Variants in LONP2 observed in about 807,000 individuals in gnomAD.
The protein encoded by LONP2 is lon protease homolog 2, peroxisomal.
In LONP2, 60 loss-of-function variants were observed where a neutral mutation model predicts 85.6. That is an observed-to-expected ratio of 0.70 (90% confidence interval 0.57 to 0.87). The LOEUF is 0.87. LONP2 is among the 40% of genes least tolerant of loss of function. The pLI is 0.00. For missense variants in LONP2, 860 were observed against 1,063.5 expected, an observed-to-expected ratio of 0.81 and a Z score of 2.66; for synonymous variants, 395 against 389.7, an observed-to-expected ratio of 1.01 and a Z score of -0.16.
intron 11 of LONP2, among the ~76,000 whole-genome samples, chr16:48,308,367 C>T (rs8053521): frequency 0.017 from 2,574 of 152,206 alleles, 59 homozygotes; most frequent in African/African-American, 0.057. Context: ...TGGCTCACAC[C>T]TGTAATCTCA....
chr16:48,281,742 T>C (rs762505902), intron 8 of LONP2, among the ~76,000 whole-genome samples: 2 of 152,190 alleles, frequency 1.3e-5, no homozygotes, highest in Non-Finnish European at 2.9e-5. Context: ...GTCACTAGTC[T>C]AGATATAGTA....
chr16:48,323,062 G>T (rs1973299626), intron 11 of LONP2, among the ~76,000 whole-genome samples: 2 of 152,214 alleles, frequency 1.3e-5, no homozygotes, highest in South Asian at 4.1e-4. Flanking sequence ...TTCTAAATTG[G>T]ATTCTGGGAA....
intron 11 of LONP2, among the ~76,000 whole-genome samples, chr16:48,329,619 C>G (rs1292707911): frequency 6.6e-6 from 1 of 152,108 alleles, no homozygotes; most frequent in African/African-American, 2.4e-5. Flanking sequence ...GGGTTCTGAA[C>G]CATCCTGCAT....
intron 12 of LONP2, chr16:48,345,753 A>G (rs1406533882): frequency 1.3e-5 from 2 of 152,208 alleles, no homozygotes; most frequent in Non-Finnish European, 2.9e-5. Context: ...ACTACTGAAA[A>G]TAAGTGCTCG....
intron 11 of LONP2, among the ~76,000 whole-genome samples, chr16:48,323,148 T>A (rs1014143710): frequency 1.3e-5 from 2 of 152,242 alleles, no homozygotes; most frequent in Non-Finnish European, 2.9e-5. Context: ...TAATTGCTAA[T>A]TTTTAACCTC....
rs1256163421 is a variant in LONP2, at chr16:48,354,585, G to A, written c.*2783G>A. On this transcript the variant is annotated 3_prime_UTR_variant, in exon 15 of 15. Coordinates refer to ENST00000285737, the MANE Select transcript of LONP2 (RefSeq NM_031490.5). Reference sequence around the variant, plus strand: ...AGCTCCAAATTCCACCCTCACCCCAGACCCTGGTAACCACTATTTCACTTT... The same window carrying A: ...AGCTCCAAATTCCACCCTCACCCCAAACCCTGGTAACCACTATTTCACTTT... 1 of 152,250 alleles carries A rather than the reference G, an allele frequency of 6.6e-6. No individual in the cohort carries two copies. Among genetic ancestry groups the A allele is most frequent in the Non-Finnish European group, 1.5e-5 (1 of 68,180 alleles). 9.4% of individuals were successfully genotyped at this position (152,250 alleles called of 1,614,324 possible). A position where few individuals can be genotyped will look rare whatever the true frequency, so the allele number is the denominator to read the frequency against.
At chr16:48,345,408 A>G (rs745722578) in intron 12 of LONP2, 1 of 152,258 alleles carries the variant, frequency 6.6e-6, no homozygotes, top group Non-Finnish European at 1.5e-5. Context: ...CCTAGAAAGG[A>G]GCCTGAATGA....
At chr16:48,330,595 T>G (rs997467803) in intron 11 of LONP2, among the ~76,000 whole-genome samples, 4 of 152,170 alleles carry the variant, frequency 2.6e-5, no homozygotes, top group East Asian at 1.9e-4. Context: ...TTGTTGGTTG[T>G]TTGTTTTATA....
chr16:48,299,637 C>T (rs952704711), intron 9 of LONP2, 25 bp from the exon 10 acceptor site: 3 of 1,584,116 alleles, frequency 1.9e-6, no homozygotes, highest in African/African-American at 2.8e-5. Flanking sequence ...TAAATAATTA[C>T]AAAACAAGAT....
chr16:48,345,763 G>A (rs965731211), intron 12 of LONP2: 11 of 152,218 alleles, frequency 7.2e-5, no homozygotes, highest in Non-Finnish European at 1.0e-4. Context: ...ATAAGTGCTC[G>A]GCCAGACGCA....
intron 4 of LONP2, 131 bp downstream of exon 4, chr16:48,258,871 CCTTTT>C (rs1971819418): frequency 1.2e-6 from 1 of 818,950 alleles, no homozygotes; most frequent in Non-Finnish European, 1.7e-6. Flanking sequence ...TCCCTCTCAT[CCTTTT>C]CTTTGCCTGG....
Position 48,270,209 on chromosome 16 carries a change from A to G in LONP2, c.1176A>G (p.Leu392=), listed in dbSNP as rs1972074732. 6.2e-7 allele frequency: 1 copy of G among 1,614,050 alleles called. No homozygotes were observed. The highest frequency in any genetic ancestry group is 8.5e-7 in the Non-Finnish European group (1 of 1,179,948). Residue 392 remains leucine, a synonymous_variant, in exon 7 of 15, where the codon CTA becomes CTG. Transcript: ENST00000285737. ...TSVGRSVAKT[L]GREFHRIALG... is the part of the protein sequence containing the mutation. Reference sequence around the variant, plus strand: ...TGGGAAGATCAGTGGCCAAGACTCTAGGTCGAGAGTTCCACAGGATTGCAC... The same window carrying G: ...TGGGAAGATCAGTGGCCAAGACTCTGGGTCGAGAGTTCCACAGGATTGCAC...
intron 8 of LONP2, among the ~76,000 whole-genome samples, chr16:48,293,421 G>T (rs1389352236): frequency 6.6e-6 from 1 of 150,510 alleles, no homozygotes; most frequent in South Asian, 2.1e-4. Flanking sequence ...GAACGAGACT[G>T]TCTCAAAAAA....
chr16:48,292,541 T>G (rs995567610), intron 8 of LONP2, among the ~76,000 whole-genome samples: 3 of 152,206 alleles, frequency 2.0e-5, no homozygotes, highest in Non-Finnish European at 4.4e-5. Context: ...GGGCACAAAT[T>G]TAGCCTAAGT....
chr16:48,348,277 G>A lies in LONP2; in HGVS notation c.2324G>A (p.Gly775Asp). 6.7e-7 allele frequency: 1 copy of A among 1,485,526 alleles called. No individual in the cohort carries two copies. The allele number at this position is 1,485,526 out of a possible 1,614,324, so 92.0% of individuals were successfully genotyped here. A position where few individuals can be genotyped will look rare whatever the true frequency, so the allele number is the denominator to read the frequency against. Residue 775 changes from glycine to aspartate, a missense_variant, in exon 14 of 15, where the codon GGT (glycine) becomes GAT (aspartate). Coordinates refer to ENST00000285737, the MANE Select transcript of LONP2 (RefSeq NM_031490.5). ...VAMTGEITLR[G>D]LVLPVGGIKD... Reference sequence around the variant, plus strand: ...ATGACTGGAGAAATTACACTGAGAGGTCTTGTTCTTCCAGTAAGTATGAAA... The same window carrying A: ...ATGACTGGAGAAATTACACTGAGAGATCTTGTTCTTCCAGTAAGTATGAAA...
intron 1 of LONP2, among the ~76,000 whole-genome samples, chr16:48,250,938 CT>C (rs1971630328): frequency 6.6e-6 from 1 of 152,150 alleles, no homozygotes; most frequent in Non-Finnish European, 1.5e-5. Context: ...ACCAATTTAT[CT>C]TCTCAGTTGT....
intron 9 of LONP2, 141 bp downstream of exon 9, chr16:48,296,306 C>G (rs1281008859): frequency 2.5e-5 from 23 of 924,066 alleles, no homozygotes; most frequent in South Asian, 1.8e-4. Flanking sequence ...GTATATAAAT[C>G]AGTTTCTATG....
intron 11 of LONP2, among the ~76,000 whole-genome samples, chr16:48,322,958 G>A (rs559499985): frequency 3.4e-4 from 52 of 152,298 alleles, no homozygotes; most frequent in African/African-American, 8.7e-4. Context: ...TTTCAGGTCC[G>A]TTGTTGTCTT....
chr16:48,306,381 TACTC>T (rs1455436405), intron 11 of LONP2, among the ~76,000 whole-genome samples: 1 of 152,208 alleles, frequency 6.6e-6, no homozygotes, highest in African/African-American at 2.4e-5. Flanking sequence ...AACCCACAAA[TACTC>T]AAGGAATTGT....
Sources: allele counts gnomAD v4.1 joint callset (sites outside exome capture counted in the v4.1 genomes callset), GRCh38; gene constraint gnomAD v4.1.1; transcripts MANE v1.5; gene names NCBI Gene and HGNC (gene_info 2026-07-23, HGNC 2026-07-21).